KHDRBS2: variants seen among roughly 807,000 people sequenced by gnomAD.
KHDRBS2 encodes KH RNA binding domain containing, signal transduction associated 2, also known as KH domain-containing, RNA-binding, signal transduction-associated protein 2.
Under a neutral mutation model 44.3 loss-of-function variants are expected in KHDRBS2, and 26 were observed. The observed-to-expected ratio is 0.59, with a 90% CI of 0.43 to 0.81. KHDRBS2 has a LOEUF of 0.81. Ranked by LOEUF, KHDRBS2 falls within the 40% of genes least tolerant of loss-of-function variation. KHDRBS2 has a pLI of 0.00. For missense variants in KHDRBS2, 476 were observed against 433.1 expected (o/e 1.10, Z -0.88); for synonymous variants, 194 against 151.1 (o/e 1.28, Z -2.08).
chr6:61,721,595 T>C (rs2127555692), intron 7 of KHDRBS2, among the ~76,000 whole-genome samples: 1 of 134,008 alleles, frequency 7.5e-6, no homozygotes, highest in African/African-American at 2.6e-5. Context: ...GTTGTTGGTG[T>C]ATAAGAATGC....
the KHDRBS2 span, among the ~76,000 whole-genome samples, chr6:61,547,480 G>A: frequency 2.0e-5 from 3 of 151,980 alleles, no homozygotes; most frequent in African/African-American, 7.2e-5. Flanking sequence ...GATGGACCCA[G>A]CTAACAAATT....
chr6:61,873,254 T>A (rs1273072023), intron 6 of KHDRBS2, among the ~76,000 whole-genome samples: 1 of 151,950 alleles, frequency 6.6e-6, no homozygotes, highest in Admixed American at 6.6e-5. Flanking sequence ...GATGATTTTT[T>A]AAAAATATAT....
intron 3 of KHDRBS2, among the ~76,000 whole-genome samples, chr6:62,004,666 C>T (rs1223861643): frequency 6.6e-6 from 1 of 151,962 alleles, no homozygotes; most frequent in African/African-American, 2.4e-5. Flanking sequence ...TTTATGAGGC[C>T]AGCATCATAC....
At chr6:62,266,570 T>C (rs1449488849) in intron 1 of KHDRBS2, among the ~76,000 whole-genome samples, 4 of 152,014 alleles carry the variant, frequency 2.6e-5, no homozygotes, top group East Asian at 1.9e-4. Context: ...CAGGTCTAGT[T>C]TCCTCATTTC....
chr6:62,075,819 C>G (rs1796218082), intron 2 of KHDRBS2, among the ~76,000 whole-genome samples: 1 of 151,640 alleles, frequency 6.6e-6, no homozygotes, highest in Non-Finnish European at 1.5e-5. Flanking sequence ...TTTTCAGTCT[C>G]CAGACTCCAA....
At chr6:61,543,782 A>C in the KHDRBS2 span, among the ~76,000 whole-genome samples, 1 of 152,116 alleles carries the variant, frequency 6.6e-6, no homozygotes, top group Admixed American at 6.6e-5. Flanking sequence ...AGAAAGCATG[A>C]GATCTTGTCG....
chr6:61,995,139 A>G (rs1349745394), intron 3 of KHDRBS2, among the ~76,000 whole-genome samples: 1 of 152,130 alleles, frequency 6.6e-6, no homozygotes, highest in Non-Finnish European at 1.5e-5. Context: ...TATATTATGT[A>G]TAATATATAG....
chr6:62,054,628 T>G (rs56344019), intron 2 of KHDRBS2, among the ~76,000 whole-genome samples: 2 of 151,960 alleles, frequency 1.3e-5, no homozygotes, highest in African/African-American at 4.8e-5. Flanking sequence ...GGCAATAGCA[T>G]GGGCTCGAGG....
chr6:61,800,760 C>T (rs1199019716), intron 6 of KHDRBS2, among the ~76,000 whole-genome samples: 1 of 152,036 alleles, frequency 6.6e-6, no homozygotes, highest in African/African-American at 2.4e-5. Context: ...TTATTTTTAA[C>T]TTGTTCTACC....
chr6:61,776,838 C>T (rs1371689038), intron 6 of KHDRBS2, among the ~76,000 whole-genome samples: 16 of 152,074 alleles, frequency 1.1e-4, no homozygotes, highest in East Asian at 1.9e-4. Flanking sequence ...CACATGCACA[C>T]GTATGTTTAT....
the KHDRBS2 span, among the ~76,000 whole-genome samples, chr6:61,589,928 T>C: frequency 6.6e-6 from 1 of 152,144 alleles, no homozygotes; most frequent in African/African-American, 2.4e-5. Flanking sequence ...TATTTTCAAA[T>C]TCCCAAATGA....
At chr6:62,061,681 T>C (rs1295071318) in intron 2 of KHDRBS2, among the ~76,000 whole-genome samples, 4 of 151,324 alleles carry the variant, frequency 2.6e-5, no homozygotes, top group Admixed American at 2.0e-4. Flanking sequence ...GGAGTATCTT[T>C]GTGGCCTTCT....
intron 6 of KHDRBS2, chr6:61,816,922 C>A (rs1168167114): frequency 2.2e-6 from 1 of 455,556 alleles, no homozygotes; most frequent in Admixed American, 2.4e-5. Context: ...TTAGTCATTT[C>A]CATCTTTAGC....
At chr6:61,619,233 GTAGTTTTTTATCCC>G in the KHDRBS2 span, among the ~76,000 whole-genome samples, 1 of 149,002 alleles carries the variant, frequency 6.7e-6, no homozygotes, top group Non-Finnish European at 1.5e-5. Context: ...TGTACATCGT[GTAGTTTTTTATCCC>G]TAGCTCCCTC....
At chr6:61,737,031 T>C (rs1775470036) in intron 6 of KHDRBS2, among the ~76,000 whole-genome samples, 1 of 152,088 alleles carries the variant, frequency 6.6e-6, no homozygotes, top group Non-Finnish European at 1.5e-5. Context: ...TATTGAATTG[T>C]TTAATTAGCC....
At chr6:62,212,322 GGAGAGAGA>G (rs764686017) in intron 1 of KHDRBS2, among the ~76,000 whole-genome samples, 1 of 151,464 alleles carries the variant, frequency 6.6e-6, no homozygotes, top group African/African-American at 2.4e-5. Flanking sequence ...ACATACAGAG[GGAGAGAGA>G]GAGTGAGAGA....
chr6:61,549,724 A>G, the KHDRBS2 span, among the ~76,000 whole-genome samples: 1 of 152,310 alleles, frequency 6.6e-6, no homozygotes, highest in African/African-American at 2.4e-5. Context: ...CCAAAACTTG[A>G]TAAGTAACCT....
intron 2 of KHDRBS2, among the ~76,000 whole-genome samples, chr6:62,155,745 T>C (rs208991): frequency 0.17 from 26,128 of 152,160 alleles, 2,557 homozygotes; most frequent in African/African-American, 0.27. Context: ...AAATGAACAG[T>C]AGAAGCTATT....
chr6:61,636,633 A>G, the KHDRBS2 span, among the ~76,000 whole-genome samples: 1 of 152,120 alleles, frequency 6.6e-6, no homozygotes. Flanking sequence ...CATCTAATGG[A>G]TAGAGGTCAG....
Sources: gnomAD v4.1 joint callset for allele counts (sites outside exome capture counted in the v4.1 genomes callset) on GRCh38, gnomAD v4.1.1 for gene constraint, MANE v1.5 for transcripts, NCBI Gene and HGNC (gene_info 2026-07-23, HGNC 2026-07-21) for gene names.